Variants in SLC5A10 observed in about 807,000 individuals in gnomAD.
SLC5A10 encodes solute carrier family 5 member 10.
SLC5A10 carries 55 observed loss-of-function variants against 68.9 expected under a neutral mutation model. The observed-to-expected ratio is 0.80, with a 90% CI of 0.64 to 1.00. SLC5A10 has a LOEUF of 1.00. SLC5A10 is among the 50% of genes least tolerant of loss of function. SLC5A10 has a pLI of 0.00. For missense variants in SLC5A10, 732 were observed against 819.3 expected, an observed-to-expected ratio of 0.89 and a Z score of 1.30; for synonymous variants, 344 against 344.8, an observed-to-expected ratio of 1.00 and a Z score of 0.02.
chr17:18,980,933 A>AG (rs948944885), intron 9 of SLC5A10, among the ~76,000 whole-genome samples: 12 of 151,914 alleles, frequency 7.9e-5, no homozygotes, highest in Admixed American at 4.6e-4. Context: ...CTCCCTCCCG[A>AG]GGGGCTCTGT....
At position 19,019,434 on chromosome 17, in the gene SLC5A10, T is replaced by C. The variant is rs780490775; in HGVS notation, c.1253T>C (p.Val418Ala). ...ELLLVGRLVIVALIGVSVAWI... is the reference protein window; with the variant it reads ...ELLLVGRLVIAALIGVSVAWI... ...CCACTCGCCTGCAGGCTGGTCATAG[T>C]GGCACTCATCGGCGTGAGTGTGGCC... Residue 418 changes from valine to alanine, a missense_variant, in exon 12 of 15, where the codon GTG becomes GCG. Val to Ala is a moderately conservative substitution (Grantham distance 64, BLOSUM62 0). Coordinates refer to ENST00000395645, the MANE Select transcript of SLC5A10 (RefSeq NM_001042450.4). 24 of 1,610,634 alleles carry C rather than the reference T, an allele frequency of 1.5e-5. No homozygotes were observed. In the South Asian group the frequency reaches 2.2e-4, roughly 15 times the overall value.
In SLC5A10 at chr17:19,017,308, A is replaced by G; in HGVS notation, c.1241+2109A>G. On this transcript the variant is annotated intron_variant, in intron 11 of 14. Transcript: ENST00000395645. This position sits in a 1 kb window ranked among gnomAD's most constrained non-coding sequence, Gnocchi z 5.6. The stretch of plus-strand genomic sequence containing the variant: ...GCACTGGGATACCCTCAACACCCCC[A>G]GCCCCTCAAAGCCGTCTCAGCTTCC... The G allele has an allele frequency of 6.4e-7, 1 of 1,551,996 alleles. No homozygotes were observed. Among genetic ancestry groups the G allele is most frequent in the Non-Finnish European group, 8.7e-7 (1 of 1,147,048 alleles).
upstream of SLC5A10, chr17:18,952,161 C>A (rs770802625): frequency 1.9e-6 from 3 of 1,587,680 alleles, no homozygotes; most frequent in East Asian, 2.3e-5. Flanking sequence ...CTGGTTTGCC[C>A]CTCAGTCCCT....
chr17:18,979,662 C>T (rs1239469361), intron 9 of SLC5A10: 15 of 1,613,416 alleles, frequency 9.3e-6, no homozygotes, highest in Non-Finnish European at 1.2e-5. Flanking sequence ...CGCTGCTCCG[C>T]ACTCTGAGAT....
upstream of SLC5A10, among the ~76,000 whole-genome samples, chr17:18,951,064 G>A (rs2042361201): frequency 6.6e-6 from 1 of 152,246 alleles, no homozygotes; most frequent in African/African-American, 2.4e-5. Context: ...TGAGTAACAG[G>A]CTGGCTGGGT....
At chr17:18,963,853 G>A in intron 5 of SLC5A10, among the ~76,000 whole-genome samples, 1 of 152,208 alleles carries the variant, frequency 6.6e-6, no homozygotes, top group South Asian at 2.1e-4. Context: ...CTGGAACTGG[G>A]CACGATGCCC....
At chr17:18,980,455 C>T (rs910383706) in intron 9 of SLC5A10, among the ~76,000 whole-genome samples, 1 of 152,166 alleles carries the variant, frequency 6.6e-6, no homozygotes, top group Non-Finnish European at 1.5e-5. Flanking sequence ...GCACAGCGGG[C>T]CCCTCAACTG....
chr17:18,963,037 G>T (rs2042641741), intron 5 of SLC5A10, among the ~76,000 whole-genome samples: 1 of 152,160 alleles, frequency 6.6e-6, no homozygotes, highest in Non-Finnish European at 1.5e-5. Flanking sequence ...AGGCAACACG[G>T]TGAAACTCCA....
rs975835007 is a variant in SLC5A10, at chr17:19,007,194, T to A, written c.983-6216T>A. Reference sequence around the variant, plus strand: ...TTGCCAACATGTGGTGTTACCGCTATTTTTTTTTTTTTTTTTGGCCATTCT... The same window carrying A: ...TTGCCAACATGTGGTGTTACCGCTAATTTTTTTTTTTTTTTTGGCCATTCT... On this transcript the variant is annotated intron_variant, in intron 9 of 14. Coordinates refer to ENST00000395645, the MANE Select transcript of SLC5A10 (RefSeq NM_001042450.4). Among the ~76,000 whole-genome samples, 17 of 16,400 alleles carry A rather than the reference T, an allele frequency of 1.0e-3. 2 individuals carry two copies. Among genetic ancestry groups the A allele is most frequent in the Admixed American group, 5.9e-3 (12 of 2,022 alleles). 10.8% of individuals were successfully genotyped at this position (16,400 alleles called of 152,430 possible). A position where few individuals can be genotyped will look rare whatever the true frequency, so the allele number is the denominator to read the frequency against.
intron 10 of SLC5A10, 117 bp downstream of exon 10, chr17:19,013,634 T>G: frequency 8.0e-6 from 1 of 124,776 alleles, no homozygotes; most frequent in Non-Finnish European, 1.5e-5. Flanking sequence ...GGCATGTCAC[T>G]TCCCTGCTTG....
chr17:18,957,106 T>C (rs2042519964), intron 1 of SLC5A10, among the ~76,000 whole-genome samples: 1 of 152,118 alleles, frequency 6.6e-6, no homozygotes, highest in African/African-American at 2.4e-5. Flanking sequence ...CCAAGATCTG[T>C]CACTGCATTC....
At chr17:18,952,694 C>T (rs573879861) in intron 1 of SLC5A10, among the ~76,000 whole-genome samples, 1 of 152,220 alleles carries the variant, frequency 6.6e-6, no homozygotes, top group East Asian at 1.9e-4. Context: ...TGGCTGCACC[C>T]CAGAGCTGCT....
At chr17:19,014,279 GTGGGCAGT>G (rs1638320063) in intron 10 of SLC5A10, among the ~76,000 whole-genome samples, 1 of 152,198 alleles carries the variant, frequency 6.6e-6, no homozygotes, top group Admixed American at 6.5e-5. Flanking sequence ...ACAGCACAGA[GTGGGCAGT>G]TGAGCATCCT....
chr17:18,960,234 A>T (rs1006145450), intron 4 of SLC5A10, among the ~76,000 whole-genome samples: 4 of 152,134 alleles, frequency 2.6e-5, no homozygotes, highest in African/African-American at 9.7e-5. Flanking sequence ...TGGATTTGTC[A>T]TAACAGCCTC....
At chr17:18,967,665 C>T (rs2042739020) in intron 5 of SLC5A10, among the ~76,000 whole-genome samples, 1 of 152,216 alleles carries the variant, frequency 6.6e-6, no homozygotes, top group Non-Finnish European at 1.5e-5. Context: ...GGTGGGCCTT[C>T]TAGAAGCCTC....
chr17:18,993,685 GAGA>G (rs1435513497), intron 9 of SLC5A10, among the ~76,000 whole-genome samples: 4 of 152,156 alleles, frequency 2.6e-5, no homozygotes, highest in Non-Finnish European at 5.9e-5. Context: ...TTTCCCACCT[GAGA>G]AGTGCCGGGG....
At chr17:18,981,618 G>C (rs1312957656) in intron 9 of SLC5A10, among the ~76,000 whole-genome samples, 1 of 152,176 alleles carries the variant, frequency 6.6e-6, no homozygotes, top group African/African-American at 2.4e-5. Flanking sequence ...CTGTGGCTGG[G>C]GTGGCCCCAG....
intron 1 of SLC5A10, among the ~76,000 whole-genome samples, chr17:18,958,398 A>C (rs2042544649): frequency 6.6e-6 from 1 of 152,202 alleles, no homozygotes; most frequent in South Asian, 2.1e-4. Context: ...ATATTTCTTT[A>C]TATAGGATAT....
chr17:18,968,968 A>G lies in SLC5A10; in HGVS notation c.454-84A>G. On this transcript the variant is annotated intron_variant, in intron 5 of 14. Transcript: ENST00000395645. This position sits in a 1 kb window ranked among gnomAD's most constrained non-coding sequence, Gnocchi z 4.1. ...ATCCACAGGCCACCGAGGCCCAGAG[A>G]GGGCCTTGCCCGAGGTCACCCAGGG... The G allele has an allele frequency of 7.5e-7, 1 of 1,338,430 alleles. No homozygotes were observed. The highest frequency in any genetic ancestry group is 1.5e-5 in the African/African-American group (1 of 68,926). 82.9% of individuals were successfully genotyped at this position (1,338,430 alleles called of 1,614,324 possible). A position where few individuals can be genotyped will look rare whatever the true frequency, so the allele number is the denominator to read the frequency against.
Sources: allele counts gnomAD v4.1 joint callset (sites outside exome capture counted in the v4.1 genomes callset), GRCh38; gene constraint gnomAD v4.1.1; non-coding constraint Gnocchi (gnomAD v3.1); transcripts MANE v1.5; gene names NCBI Gene and HGNC (gene_info 2026-07-23, HGNC 2026-07-21).